The following NPAS2 variants were observed in gnomAD, a reference collection of about 807,000 sequenced individuals.
The protein encoded by NPAS2 is neuronal PAS domain-containing protein 2.
Under a neutral mutation model 107.5 loss-of-function variants are expected in NPAS2, and 23 were observed. That is an observed-to-expected ratio of 0.21 (90% CI 0.15 to 0.30). The LOEUF is 0.30. Among genes scored for constraint, NPAS2 ranks in the 10% least tolerant of loss-of-function variants. The pLI is 1.00. For synonymous variants in NPAS2, 403 were observed against 417.5 expected, an observed-to-expected ratio of 0.97 and a Z score of 0.42; for missense variants, 756 against 1,043.3, an observed-to-expected ratio of 0.72 and a Z score of 3.79.
chr2:100,988,375 G>T (rs1388156892), intron 17 of NPAS2, 99 bp downstream of exon 17: 1 of 1,001,076 alleles, frequency 1.0e-6, no homozygotes, highest in Non-Finnish European at 1.6e-6. Flanking sequence ...GTGAACTGAG[G>T]CCTACTGCCC....
chr2:100,912,952 A>G (rs1043256187), intron 2 of NPAS2, among the ~76,000 whole-genome samples: 5 of 152,154 alleles, frequency 3.3e-5, no homozygotes, highest in South Asian at 2.1e-4. Flanking sequence ...AAACTGAGGA[A>G]CGTGTGGTTG....
At chr2:100,834,142 C>T (rs986493060) in intron 1 of NPAS2, among the ~76,000 whole-genome samples, 1 of 152,194 alleles carries the variant, frequency 6.6e-6, no homozygotes, top group Non-Finnish European at 1.5e-5. Context: ...CTCAGTGCTT[C>T]TCTTTCTCTG....
intron 2 of NPAS2, among the ~76,000 whole-genome samples, chr2:100,912,743 A>T (rs942149551): frequency 6.6e-6 from 1 of 152,234 alleles, no homozygotes; most frequent in African/African-American, 2.4e-5. Flanking sequence ...GGGAAGCTCT[A>T]TCTCCTCTTA....
At chr2:100,906,699 C>A (rs1035182199) in intron 2 of NPAS2, among the ~76,000 whole-genome samples, 6 of 152,268 alleles carry the variant, frequency 3.9e-5, no homozygotes, top group African/African-American at 1.4e-4. Flanking sequence ...CAAGCGCAGG[C>A]CATTCTTATT....
Position 100,965,633 on chromosome 2 carries a change from T to C in NPAS2, c.801-27T>C. On this transcript the variant is annotated intron_variant, in intron 9 of 20. Transcript: ENST00000335681. The surrounding 1 kb of genome is among the most constrained non-coding windows in gnomAD (Gnocchi z 4.3). ...GCCCTGCAGGGTGTCTCCTCCCTGA[T>C]GACAAGTCCTCCTTGTCCTTGTGCA... 1 of 1,516,532 alleles carries C rather than the reference T, an allele frequency of 6.6e-7. No individual in the cohort carries two copies. The highest frequency in any genetic ancestry group is 9.2e-7 in the Non-Finnish European group (1 of 1,092,664). The allele number at this position is 1,516,532 out of a possible 1,614,324, so 93.9% of individuals were successfully genotyped here.
At chr2:100,953,033 TGGGATTAAAATAGC>T (rs1413805952) in intron 7 of NPAS2, among the ~76,000 whole-genome samples, 4,117 of 150,292 alleles carry the variant, frequency 0.027, 216 homozygotes, top group South Asian at 0.062. Flanking sequence ...TCATTCTAAC[TGGGATTAAAATAGC>T]AAAAATTGTC....
At chr2:100,974,773 C>T in intron 12 of NPAS2, 30 bp from the exon 13 acceptor site, 1 of 1,607,174 alleles carries the variant, frequency 6.2e-7, no homozygotes, top group Non-Finnish European at 8.5e-7. Context: ...TTGATGCTGA[C>T]ATGAGGACTG....
intron 1 of NPAS2, among the ~76,000 whole-genome samples, chr2:100,827,883 A>G (rs865899922): frequency 2.0e-5 from 3 of 152,208 alleles, no homozygotes; most frequent in African/African-American, 7.2e-5. Context: ...GTGAATGCAT[A>G]TATCTTTTTG....
At chr2:100,912,215 CATTTATTTATTT>C (rs200504991) in intron 2 of NPAS2, among the ~76,000 whole-genome samples, 4,053 of 143,380 alleles carry the variant, frequency 0.028, 116 homozygotes, top group African/African-American at 0.071. Context: ...CAGTTTGCTC[CATTTATTTATTT>C]ATTTATTTAT....
At chr2:100,907,315 A>G (rs1335513929) in intron 2 of NPAS2, among the ~76,000 whole-genome samples, 1 of 152,054 alleles carries the variant, frequency 6.6e-6, no homozygotes, top group Non-Finnish European at 1.5e-5. Flanking sequence ...GCTTTGGGCC[A>G]TAAGCATACC....
chr2:100,948,098 T>A, intron 5 of NPAS2, 137 bp from the exon 6 acceptor site: 2 of 896,216 alleles, frequency 2.2e-6, no homozygotes, highest in Non-Finnish European at 3.5e-6. Context: ...AAACTGAGAG[T>A]GTCCACAGAA....
In NPAS2 at chr2:100,965,617, G is replaced by A. The variant is rs766946442; in HGVS notation, c.801-43G>A. ...ATGGCCACCAGGGTGAGCCCTGCAG[G>A]GTGTCTCCTCCCTGATGACAAGTCC... On this transcript the variant is annotated intron_variant, in intron 9 of 20. Transcript: ENST00000335681. This position sits in a 1 kb window ranked among gnomAD's most constrained non-coding sequence, Gnocchi z 4.3. 1.5e-6 allele frequency: 2 copies of A among 1,354,356 alleles called. No individual in the cohort carries two copies. The highest frequency in any genetic ancestry group is 1.4e-5 in the African/African-American group (1 of 69,580). The allele number at this position is 1,354,356 out of a possible 1,614,324, so 83.9% of individuals were successfully genotyped here.
intron 1 of NPAS2, among the ~76,000 whole-genome samples, chr2:100,900,604 G>A (rs1681711457): frequency 6.6e-6 from 1 of 152,164 alleles, no homozygotes; most frequent in South Asian, 2.1e-4. Context: ...TTTCCACAGA[G>A]ACTTCTATAT....
chr2:100,861,761 C>G (rs867280435), intron 1 of NPAS2, among the ~76,000 whole-genome samples: 56 of 152,290 alleles, frequency 3.7e-4, no homozygotes, highest in Middle Eastern at 3.4e-3. Flanking sequence ...CTTTGCAATG[C>G]TTGGCAGATG....
chr2:100,934,614 A>G (rs2104952040), intron 4 of NPAS2, among the ~76,000 whole-genome samples: 1 of 152,168 alleles, frequency 6.6e-6, no homozygotes, highest in East Asian at 1.9e-4. Flanking sequence ...AGTGGTCTGG[A>G]AAGTCCACCA....
Position 100,949,369 on chromosome 2 carries a change from G to A in NPAS2, c.487G>A (p.Asp163Asn), listed in dbSNP as rs769678863. 5.0e-6 allele frequency: 8 copies of A among 1,603,870 alleles called. No homozygotes were observed. In the African/African-American group the frequency reaches 1.1e-4, roughly 21 times the overall value. Residue 163 changes from aspartate (D) to asparagine (N), a missense_variant and splice_region_variant, in exon 7 of 21, where the codon GAC (aspartate) becomes AAC (asparagine). Physicochemically the swap from Asp to Asn is conservative, Grantham distance 23. Transcript: ENST00000335681. ...CTCTTCTTCCTTTAACGGCCCAGCT[G>A]ACAGCGATTTAGAGTTTTATTGCCA... ...DSPSPEYLKS[D>N]SDLEFYCHLL... is the part of the protein sequence containing the mutation.
Position 100,977,771 on chromosome 2 carries a change from T to A in NPAS2, c.1454T>A (p.Leu485Gln). ...CAGCAGCTCCTGCCTCAGACCGTTC[T>A]GCAGAGCACGCCCGCTCCCATGGCA... ...LTQQLLPQTV[L>Q]QSTPAPMAQF... Residue 485 changes from leucine to glutamine, a missense_variant, in exon 15 of 21, where the codon CTG (leucine) becomes CAG (glutamine). Transcript: ENST00000335681. 6.2e-7 allele frequency: 1 copy of A among 1,614,170 alleles called. No homozygotes were observed. The highest frequency in any genetic ancestry group is 8.5e-7 in the Non-Finnish European group (1 of 1,180,032).
intron 1 of NPAS2, among the ~76,000 whole-genome samples, chr2:100,840,387 T>A (rs1677322432): frequency 1.3e-5 from 2 of 152,154 alleles, no homozygotes; most frequent in South Asian, 2.1e-4. Context: ...TAGAGTAGAC[T>A]TGCTCTATCC....
At chr2:100,951,574 G>A (rs1195486598) in intron 7 of NPAS2, among the ~76,000 whole-genome samples, 1 of 152,176 alleles carries the variant, frequency 6.6e-6, no homozygotes, top group East Asian at 1.9e-4. Context: ...AGTGAAATAA[G>A]CCAACAGCAA....
Sources: gnomAD v4.1 joint callset for allele counts (sites outside exome capture counted in the v4.1 genomes callset) on GRCh38, gnomAD v4.1.1 for gene constraint, Gnocchi (gnomAD v3.1) non-coding constraint, MANE v1.5 for transcripts, NCBI Gene and HGNC (gene_info 2026-07-23, HGNC 2026-07-21) for gene names.